The following TIAM1 variants were observed in gnomAD, a reference collection of about 807,000 sequenced individuals.
TIAM1 encodes the protein rho guanine nucleotide exchange factor TIAM1.
A neutral mutation model predicts 163.5 loss-of-function variants in TIAM1; 65 were observed. The ratio of observed to expected loss-of-function variants is 0.40; its 90% confidence interval spans 0.33 to 0.49. The LOEUF (loss-of-function observed/expected upper bound fraction) is 0.49. TIAM1 is among the 20% of genes least tolerant of loss of function. TIAM1 has a pLI of 0.77. For synonymous variants in TIAM1, 833 were observed against 810.1 expected, an observed-to-expected ratio of 1.03 and a Z score of -0.48; for missense variants, 1,789 against 2,044.7, an observed-to-expected ratio of 0.87 and a Z score of 2.41.
intron 2 of TIAM1, among the ~76,000 whole-genome samples, chr21:31,381,857 C>T (rs535780171): frequency 1.3e-5 from 2 of 152,178 alleles, no homozygotes; most frequent in South Asian, 4.2e-4. Flanking sequence ...AAAGAACAGA[C>T]ACTAGAGACA....
At chr21:31,336,345 C>CG (rs911031068) in intron 2 of TIAM1, among the ~76,000 whole-genome samples, 18 of 152,210 alleles carry the variant, frequency 1.2e-4, no homozygotes, top group African/African-American at 4.1e-4. Flanking sequence ...AAACTCCCTC[C>CG]GGGGGGAAGA....
chr21:31,180,363 C>T (rs1295341925), intron 15 of TIAM1, among the ~76,000 whole-genome samples: 1 of 152,042 alleles, frequency 6.6e-6, no homozygotes, highest in Admixed American at 6.6e-5. Context: ...CTTTGTAGAC[C>T]CTAAGTCCTT....
chr21:31,409,980 T>G (rs879648570), intron 2 of TIAM1, among the ~76,000 whole-genome samples: 3 of 152,118 alleles, frequency 2.0e-5, no homozygotes, highest in African/African-American at 4.8e-5. Context: ...GATCCAAGTT[T>G]TCTCTGGCAC....
At chr21:31,128,090 C>T (rs962208292) in intron 25 of TIAM1, among the ~76,000 whole-genome samples, 3 of 152,248 alleles carry the variant, frequency 2.0e-5, no homozygotes, top group African/African-American at 4.8e-5. Flanking sequence ...GAACAATTCA[C>T]TGCAGACATT....
intron 1 of TIAM1, among the ~76,000 whole-genome samples, chr21:31,516,919 G>A (rs768014329): frequency 4.2e-4 from 63 of 151,348 alleles, no homozygotes; most frequent in South Asian, 1.7e-3. Context: ...GCGTGGTGGC[G>A]GGCGCCTGTA....
intron 22 of TIAM1, among the ~76,000 whole-genome samples, chr21:31,137,886 G>C (rs898903990): frequency 6.7e-6 from 1 of 149,960 alleles, no homozygotes; most frequent in South Asian, 2.2e-4. Context: ...CCACATACGA[G>C]ATAAATATCT....
intron 23 of TIAM1, among the ~76,000 whole-genome samples, chr21:31,135,010 AAGTTT>A (rs2082563756): frequency 6.6e-6 from 1 of 152,170 alleles, no homozygotes; most frequent in African/African-American, 2.4e-5. Flanking sequence ...GGAAAAAAAA[AAGTTT>A]AGTTAAGAAG....
At chr21:31,261,628 G>T (rs534405400) in intron 4 of TIAM1, among the ~76,000 whole-genome samples, 23 of 152,250 alleles carry the variant, frequency 1.5e-4, no homozygotes, top group African/African-American at 5.3e-4. Flanking sequence ...CATGAGAATC[G>T]CTTGAACCTG....
At position 31,182,654 on chromosome 21, in the gene TIAM1, G is replaced by C; in HGVS notation, c.2663-9C>G. On this transcript the variant is annotated splice_polypyrimidine_tract_variant and intron_variant, in intron 14 of 27. Transcript: ENST00000541036. ...ATCTCCTGCTTTCAGGCCTGCCAAC[G>C]CAAGATGGAAAATTTTTAATTTCAC... is the stretch of plus-strand genomic sequence containing the variant. 1 of 1,604,930 alleles carries C rather than the reference G, an allele frequency of 6.2e-7. No homozygotes were observed. The highest frequency in any genetic ancestry group is 8.5e-7 in the Non-Finnish European group (1 of 1,175,906).
chr21:31,407,552 G>C (rs190067285), intron 2 of TIAM1, among the ~76,000 whole-genome samples: 1 of 151,608 alleles, frequency 6.6e-6, no homozygotes, highest in South Asian at 2.1e-4. Flanking sequence ...TCCGTGGCTC[G>C]ACCCATCGGG....
At chr21:31,298,879 C>T (rs1408822486) in intron 2 of TIAM1, among the ~76,000 whole-genome samples, 1 of 151,850 alleles carries the variant, frequency 6.6e-6, no homozygotes, top group Non-Finnish European at 1.5e-5. Context: ...ATATATCCTC[C>T]CCACCTCAAA....
intron 2 of TIAM1, among the ~76,000 whole-genome samples, chr21:31,407,168 C>T (rs2077261472): frequency 6.6e-6 from 1 of 152,108 alleles, no homozygotes; most frequent in African/African-American, 2.4e-5. Flanking sequence ...ACAAAGAAAG[C>T]CTAATGCATG....
Position 31,171,559 on chromosome 21 carries a change from CAT to C in TIAM1, c.2888-6496_2888-6495del, listed in dbSNP as rs1450214647. Among the ~76,000 whole-genome samples, 5 of 152,152 alleles carry C rather than the reference CAT, an allele frequency of 3.3e-5. No individual in the cohort carries two copies. The East Asian group carries it at 5.8e-4, about 18-fold the overall frequency. ...TCTAAAGCATATATTTTTTTATCCC[CAT>C]ATGTCATGTTTTCTACCCTTAACTG... On this transcript the variant is annotated intron_variant, in intron 15 of 27. Coordinates refer to ENST00000541036, the MANE Select transcript of TIAM1 (RefSeq NM_001353694.2).
chr21:31,470,339 T>G (rs746669061), intron 1 of TIAM1, among the ~76,000 whole-genome samples: 1 of 150,652 alleles, frequency 6.6e-6, no homozygotes, highest in Non-Finnish European at 1.5e-5. Context: ...ATTTACTTAT[T>G]TATATTTCCT....
At chr21:31,373,815 A>C (rs1182884307) in intron 2 of TIAM1, among the ~76,000 whole-genome samples, 1 of 152,206 alleles carries the variant, frequency 6.6e-6, no homozygotes, top group African/African-American at 2.4e-5. Flanking sequence ...ATGCGTCTAC[A>C]TAAATATACT....
rs1021135011 is a variant in TIAM1, at chr21:31,240,527, G to A, written c.1584+4961C>T. Among the ~76,000 whole-genome samples, 2 of 152,072 alleles carry A rather than the reference G, an allele frequency of 1.3e-5. 1 individual carries two copies. The highest frequency in any genetic ancestry group is 4.2e-4 in the South Asian group (2 of 4,818). ...AGTCTGACACATGGAACTAAACATG[G>A]CATTCCAAGGTAGATCTCTACATCT... On this transcript the variant is annotated intron_variant, in intron 6 of 27. Coordinates refer to ENST00000541036, the MANE Select transcript of TIAM1 (RefSeq NM_001353694.2).
chr21:31,374,414 T>C (rs532158294), intron 2 of TIAM1, among the ~76,000 whole-genome samples: 1 of 152,296 alleles, frequency 6.6e-6, no homozygotes, highest in South Asian at 2.1e-4. Flanking sequence ...TATACCTACA[T>C]ATACGGAATA....
At chr21:31,422,844 G>A (rs1433065701) in intron 2 of TIAM1, among the ~76,000 whole-genome samples, 2 of 152,108 alleles carry the variant, frequency 1.3e-5, no homozygotes, top group Non-Finnish European at 2.9e-5. Flanking sequence ...TCCCAATTAA[G>A]CATCATTGCT....
chr21:31,485,472 T>C (rs774436178), intron 1 of TIAM1, among the ~76,000 whole-genome samples: 6 of 152,184 alleles, frequency 3.9e-5, no homozygotes, highest in Admixed American at 6.5e-5. Context: ...TTTAATACAC[T>C]GTTGCCTGAG....
Sources: allele counts gnomAD v4.1 joint callset (sites outside exome capture counted in the v4.1 genomes callset), GRCh38; gene constraint gnomAD v4.1.1; transcripts MANE v1.5; gene names NCBI Gene and HGNC (gene_info 2026-07-23, HGNC 2026-07-21).